Variants in KDM2A observed in about 807,000 individuals in gnomAD.
The protein encoded by KDM2A is lysine demethylase 2A.
Under a neutral mutation model 137.3 loss-of-function variants are expected in KDM2A, and 3 were observed. The ratio of observed to expected loss-of-function variants is 0.02; its 90% CI spans 0.01 to 0.06. KDM2A has a LOEUF of 0.06. Ranked by LOEUF, KDM2A falls within the 10% of genes least tolerant of loss-of-function variation. KDM2A has a pLI of 1.00. For missense variants in KDM2A, 738 were observed against 1,510.6 expected, an observed-to-expected ratio of 0.49 and a Z score of 8.48; for synonymous variants, 512 against 541.5, an observed-to-expected ratio of 0.95 and a Z score of 0.76.
At chr11:67,176,274 C>CT (rs1448396168) in intron 2 of KDM2A, among the ~76,000 whole-genome samples, 1 of 152,102 alleles carries the variant, frequency 6.6e-6, no homozygotes, top group Non-Finnish European at 1.5e-5. Context: ...TATTTCTGCC[C>CT]TTTCACAGAC....
At chr11:67,144,869 T>C (rs1030628535) in intron 2 of KDM2A, among the ~76,000 whole-genome samples, 2 of 148,416 alleles carry the variant, frequency 1.3e-5, no homozygotes, top group African/African-American at 5.0e-5. Flanking sequence ...CCTGGATTTT[T>C]ATTTTTATTT....
intron 12 of KDM2A, among the ~76,000 whole-genome samples, chr11:67,234,288 G>A (rs928966671): frequency 2.0e-5 from 3 of 152,192 alleles, no homozygotes; most frequent in Admixed American, 6.5e-5. Context: ...AAAACTTGGT[G>A]CTTATAGCAC....
intron 12 of KDM2A, among the ~76,000 whole-genome samples, chr11:67,237,549 C>T (rs773820946): frequency 9.9e-5 from 15 of 152,020 alleles, no homozygotes; most frequent in South Asian, 2.1e-4. Flanking sequence ...CCTCCTGCCT[C>T]GACCTCCCAA....
chr11:67,210,342 AAAAAAAC>A (rs1205793690), intron 6 of KDM2A, among the ~76,000 whole-genome samples: 5 of 152,156 alleles, frequency 3.3e-5, no homozygotes, highest in African/African-American at 9.7e-5. Flanking sequence ...ACTTTTGAAA[AAAAAAAC>A]AAAAAACAAA....
chr11:67,208,092 T>C (rs905496918), intron 6 of KDM2A, among the ~76,000 whole-genome samples: 6 of 152,048 alleles, frequency 3.9e-5, no homozygotes, highest in African/African-American at 7.2e-5. Context: ...TTTGCACATA[T>C]CAAGATTAAG....
chr11:67,201,201 A>T (rs1419196824), intron 5 of KDM2A, among the ~76,000 whole-genome samples: 53 of 83,860 alleles, frequency 6.3e-4, no homozygotes, highest in African/African-American at 1.9e-3. Flanking sequence ...CTCAAAAAAA[A>T]AAATATATAT....
intron 5 of KDM2A, among the ~76,000 whole-genome samples, chr11:67,204,077 A>G (rs1480057951): frequency 6.6e-6 from 1 of 152,158 alleles, no homozygotes; most frequent in Non-Finnish European, 1.5e-5. Context: ...CTGAGATTAC[A>G]GGCGTGAGTC....
At chr11:67,238,772 A>G (rs1858941233) in intron 12 of KDM2A, among the ~76,000 whole-genome samples, 1 of 152,258 alleles carries the variant, frequency 6.6e-6, no homozygotes, top group Admixed American at 6.5e-5. Flanking sequence ...GGCAAGTTAT[A>G]CATTTGTAAG....
chr11:67,125,104 G>A (rs958784104), intron 2 of KDM2A, among the ~76,000 whole-genome samples: 1 of 150,856 alleles, frequency 6.6e-6, no homozygotes, highest in African/African-American at 2.4e-5. Flanking sequence ...CTCGTGATCC[G>A]CCTGCCTCGG....
intron 13 of KDM2A, among the ~76,000 whole-genome samples, chr11:67,244,075 A>G (rs1224338064): frequency 1.3e-5 from 2 of 152,230 alleles, no homozygotes; most frequent in African/African-American, 4.8e-5. Flanking sequence ...ATATAAAGGT[A>G]TGGAGTTGAA....
At chr11:67,248,550 G>T in intron 16 of KDM2A, 180 bp downstream of exon 16, 2 of 561,170 alleles carry the variant, frequency 3.6e-6, no homozygotes, top group Non-Finnish European at 6.4e-6. Context: ...GTTAGAGTTT[G>T]TAGCATTGTG....
chr11:67,228,228 C>T (rs1858604765), intron 11 of KDM2A, 65 bp downstream of exon 11: 2 of 1,519,428 alleles, frequency 1.3e-6, no homozygotes, highest in Non-Finnish European at 9.0e-7. Context: ...GCCCGAAATA[C>T]TCAGTAGGCT....
chr11:67,150,749 T>C (rs1256692662), intron 2 of KDM2A, among the ~76,000 whole-genome samples: 1 of 151,952 alleles, frequency 6.6e-6, no homozygotes, highest in Non-Finnish European at 1.5e-5. Context: ...GAAAGATCAC[T>C]TGAGTCTAGT....
chr11:67,217,240 C>CAAAAA (rs544615414), intron 8 of KDM2A, among the ~76,000 whole-genome samples: 1 of 50,518 alleles, frequency 2.0e-5, no homozygotes, highest in Admixed American at 2.0e-4. Context: ...GAAACTCTGT[C>CAAAAA]AAAAAAAAAA....
intron 9 of KDM2A, among the ~76,000 whole-genome samples, chr11:67,218,817 G>A (rs937144972): frequency 3.3e-5 from 5 of 152,134 alleles, no homozygotes; most frequent in Admixed American, 6.6e-5. Flanking sequence ...CACCATGTTG[G>A]CCAGGCTGGT....
chr11:67,140,383 G>A (rs1856072491), intron 2 of KDM2A, among the ~76,000 whole-genome samples: 1 of 151,606 alleles, frequency 6.6e-6, no homozygotes, highest in African/African-American at 2.4e-5. Context: ...AAATATCATG[G>A]TTTTATACAA....
At chr11:67,168,664 C>CACACACACACACACACACACACAT in intron 2 of KDM2A, among the ~76,000 whole-genome samples, 1 of 144,212 alleles carries the variant, frequency 6.9e-6, no homozygotes, top group East Asian at 2.0e-4. Context: ...CACACACACA[C>CACACACACACACACACACACACAT]GGTCGGGGGG....
chr11:67,242,323 AG>A (rs1859070887), intron 12 of KDM2A, among the ~76,000 whole-genome samples: 1 of 152,028 alleles, frequency 6.6e-6, no homozygotes, highest in African/African-American at 2.4e-5. Context: ...AGAGAAAGAA[AG>A]AGATTTGAGA....
At chr11:67,189,762 C>T (rs954903974) in intron 5 of KDM2A, among the ~76,000 whole-genome samples, 3 of 152,094 alleles carry the variant, frequency 2.0e-5, no homozygotes, top group Admixed American at 2.0e-4. Context: ...ATCACTTGAA[C>T]CTGGGAAGCG....
Sources: gnomAD v4.1 joint callset for allele counts (sites outside exome capture counted in the v4.1 genomes callset) on GRCh38, gnomAD v4.1.1 for gene constraint, MANE v1.5 for transcripts, NCBI Gene and HGNC (gene_info 2026-07-23, HGNC 2026-07-21) for gene names.